The following CFAP44 variants were observed in gnomAD, a reference collection of about 807,000 sequenced individuals.
CFAP44 encodes the protein cilia- and flagella-associated protein 44.
In CFAP44, 134 loss-of-function variants were observed where a neutral mutation model predicts 216.2. The ratio of observed to expected loss-of-function variants is 0.62; its 90% confidence interval spans 0.54 to 0.72. The LOEUF is 0.72. CFAP44 is among the 30% of genes least tolerant of loss of function. The probability of loss-of-function intolerance (pLI) is 0.00; values close to 1 mark genes in which losing one functional copy is unlikely to be tolerated. For synonymous variants in CFAP44, 700 were observed against 727.6 expected (o/e 0.96, Z 0.61); for missense variants, 2,035 against 2,182.1 (o/e 0.93, Z 1.34).
intron 1 of CFAP44, among the ~76,000 whole-genome samples, chr3:113,440,418 T>A (rs1309464604): frequency 6.6e-6 from 1 of 152,196 alleles, no homozygotes; most frequent in African/African-American, 2.4e-5. Flanking sequence ...TGTCATTATT[T>A]TACAGATGAG....
intron 22 of CFAP44, 42 bp downstream of exon 22, chr3:113,358,703 G>T: frequency 1.3e-6 from 2 of 1,533,798 alleles, no homozygotes; most frequent in Non-Finnish European, 8.7e-7. Context: ...ATTCACACAT[G>T]TGCTCTCAAA....
rs1051512019 is a variant in CFAP44, at chr3:113,396,614, C to T, written c.1683G>A (p.Leu561=). 3 of 1,613,968 alleles carry T rather than the reference C, an allele frequency of 1.9e-6. No individual in the cohort carries two copies. Among genetic ancestry groups the T allele is most frequent in the African/African-American group, 1.3e-5 (1 of 74,918 alleles). The change falls in exon 14 of 35, where the codon TTG becomes TTA. Residue 561 remains leucine (L), a synonymous_variant. Transcript: ENST00000393845. ...LTIFAGRKKI[L]DADIQLKQVF... is the part of the protein sequence containing the mutation. ...CCTGTTTCAACTGAATATCAGCATCCAAAATTTTCTTCCGTCCCGCAAAAA... is the reference window on the plus strand; with the variant it reads ...CCTGTTTCAACTGAATATCAGCATCTAAAATTTTCTTCCGTCCCGCAAAAA...
chr3:113,372,171 C>T lies in CFAP44; in HGVS notation c.2444+1240G>A, dbSNP rs140472129. Among the ~76,000 whole-genome samples the T allele has an allele frequency of 2.3e-3, 356 of 152,282 alleles. 3 individuals are homozygous for T. The highest frequency in any genetic ancestry group is 8.3e-3 in the African/African-American group (344 of 41,550). ...TCAACCATTGTGGAAGACAGTGTGG[C>T]GATTCCTCAAGGATCTACAACTAGA... On this transcript the variant is annotated intron_variant, in intron 18 of 34. Coordinates refer to ENST00000393845, the MANE Select transcript of CFAP44 (RefSeq NM_001164496.2).
rs1934385755 is a variant in CFAP44 at position 113,409,291 on chromosome 3, G to C, written c.705C>G (p.Asp235Glu). ...CCAGCAAGTTACCGCTGTAGTTAAA[G>C]TCCACATAAGCATATCCCTTCTCAG... ...DGTEKGYAYV[D>E]FNYSGNLLAS... The change falls in exon 7 of 35, where the codon GAC becomes GAG. Residue 235 changes from aspartate (D) to glutamate (E), a missense_variant. By Grantham distance (45) the Asp-to-Glu change is conservative. Transcript: ENST00000393845. 1.2e-6 allele frequency: 2 copies of C among 1,613,998 alleles called. No individual in the cohort carries two copies. Among genetic ancestry groups the C allele is most frequent in the Non-Finnish European group, 1.7e-6 (2 of 1,180,026 alleles).
intron 6 of CFAP44, among the ~76,000 whole-genome samples, chr3:113,410,832 T>G (rs954603116): frequency 1.3e-5 from 2 of 151,206 alleles, no homozygotes; most frequent in Non-Finnish European, 3.0e-5. Flanking sequence ...TTTTTAATGA[T>G]CACCATTCTA....
chr3:113,398,455 T>C (rs1257206266), intron 13 of CFAP44, among the ~76,000 whole-genome samples: 1 of 152,188 alleles, frequency 6.6e-6, no homozygotes, highest in African/African-American at 2.4e-5. Context: ...AAAATCCATA[T>C]GATCATTACT....
chr3:113,388,619 A>G (rs1259250841), intron 15 of CFAP44, among the ~76,000 whole-genome samples: 1 of 152,308 alleles, frequency 6.6e-6, no homozygotes. Context: ...TTTAAAAAAC[A>G]AGACTCAGTG....
Position 113,326,967 on chromosome 3 carries a change from C to A in CFAP44, c.4321-327G>T, listed in dbSNP as rs368325155. On this transcript the variant is annotated intron_variant, in intron 27 of 34. Coordinates refer to ENST00000393845, the MANE Select transcript of CFAP44 (RefSeq NM_001164496.2). Reference sequence around the variant, plus strand: ...CAGCTAATATTTTTGCATGTGTAGTCTCAAAAACCAATGAATTTTTTGTAT... The same window carrying A: ...CAGCTAATATTTTTGCATGTGTAGTATCAAAAACCAATGAATTTTTTGTAT... Among the ~76,000 whole-genome samples, 4 of 151,856 alleles carry A rather than the reference C, an allele frequency of 2.6e-5. No individual in the cohort carries two copies. The East Asian group carries it at 7.7e-4, about 29-fold the overall frequency.
intron 23 of CFAP44, among the ~76,000 whole-genome samples, chr3:113,342,148 C>T (rs915350004): frequency 6.6e-6 from 1 of 151,616 alleles, no homozygotes; most frequent in Non-Finnish European, 1.5e-5. Flanking sequence ...GCCTGGGCAA[C>T]GTGGTGAAAC....
intron 28 of CFAP44, among the ~76,000 whole-genome samples, chr3:113,322,464 G>A (rs1576547302): frequency 6.6e-6 from 1 of 152,232 alleles, no homozygotes; most frequent in East Asian, 1.9e-4. Context: ...TTACCTACAA[G>A]CAGGCAACAA....
In CFAP44 at chr3:113,322,230, A is replaced by G. The variant is rs77955580; in HGVS notation, c.4516+4215T>C. ...GAAATAAGGTTGTGCACCTACAACC[A>G]TCTTATCTTCAACAAGGTTGACAAA... On this transcript the variant is annotated intron_variant, in intron 28 of 34. Coordinates refer to ENST00000393845, the MANE Select transcript of CFAP44 (RefSeq NM_001164496.2). 1.9e-3 allele frequency among the ~76,000 whole-genome samples: 290 copies of G among 152,350 alleles called. 7 individuals are homozygous for G. The East Asian group carries it at 0.051, about 27-fold the overall frequency.
intron 18 of CFAP44, among the ~76,000 whole-genome samples, chr3:113,369,000 A>C (rs1271563595): frequency 2.0e-5 from 3 of 152,238 alleles, no homozygotes; most frequent in African/African-American, 4.8e-5. Context: ...AGGCCATTAC[A>C]TAATGGTAAA....
intron 21 of CFAP44, among the ~76,000 whole-genome samples, chr3:113,359,254 T>C (rs539851235): frequency 1.3e-5 from 2 of 152,202 alleles, no homozygotes; most frequent in Non-Finnish European, 2.9e-5. Flanking sequence ...CCCCCTGGTG[T>C]GACCCCACCC....
intron 15 of CFAP44, among the ~76,000 whole-genome samples, chr3:113,382,196 A>G (rs1333837431): frequency 6.6e-6 from 1 of 152,196 alleles, no homozygotes; most frequent in African/African-American, 2.4e-5. Context: ...GACTGAGTGA[A>G]GGAGACTGAG....
chr3:113,433,101 C>T (rs1935146743), intron 2 of CFAP44, among the ~76,000 whole-genome samples: 1 of 151,962 alleles, frequency 6.6e-6, no homozygotes, highest in South Asian at 2.1e-4. Context: ...TTATGGAGCC[C>T]ACCTTCCTAC....
At position 113,288,001 on chromosome 3, in the gene CFAP44, A is replaced by T. The variant is rs1486014703; in HGVS notation, c.*3556T>A. 1 of 152,182 alleles carries T rather than the reference A, an allele frequency of 6.6e-6. No individual in the cohort carries two copies. Among genetic ancestry groups the T allele is most frequent in the Non-Finnish European group, 1.5e-5 (1 of 68,042 alleles). The allele number at this position is 152,182 out of a possible 1,614,324, so 9.4% of individuals were successfully genotyped here. A position where few individuals can be genotyped will look rare whatever the true frequency, so the allele number is the denominator to read the frequency against. ...TTTTAATTGAAATTTTAAAATCTTT[A>T]TATGTGGAAGTGGAATTAGATGGAG... On this transcript the variant is annotated 3_prime_UTR_variant, in exon 35 of 35. Transcript: ENST00000393845.
intron 22 of CFAP44, among the ~76,000 whole-genome samples, chr3:113,353,972 A>G (rs1435721643): frequency 6.6e-6 from 1 of 152,088 alleles, no homozygotes; most frequent in Non-Finnish European, 1.5e-5. Flanking sequence ...CTGATAATAC[A>G]TGGGACATAG....
chr3:113,363,713 A>C (rs1950563149), intron 19 of CFAP44, among the ~76,000 whole-genome samples, 181 bp from the exon 20 acceptor site: 1 of 152,198 alleles, frequency 6.6e-6, no homozygotes, highest in Non-Finnish European at 1.5e-5. Context: ...GCAGTTTACT[A>C]AACTTACTTG....
chr3:113,390,505 G>T (rs1933766837), intron 15 of CFAP44, among the ~76,000 whole-genome samples: 1 of 152,014 alleles, frequency 6.6e-6, no homozygotes, highest in Non-Finnish European at 1.5e-5. Context: ...AGAGTAATCA[G>T]ATAAGAAAGA....
Sources: allele counts gnomAD v4.1 joint callset (sites outside exome capture counted in the v4.1 genomes callset), GRCh38; gene constraint gnomAD v4.1.1; transcripts MANE v1.5; gene names NCBI Gene and HGNC (gene_info 2026-07-23, HGNC 2026-07-21).